Variants in PAX9 observed in about 807,000 individuals in gnomAD.
PAX9 encodes the protein paired box protein Pax-9.
Under a neutral mutation model 29.1 loss-of-function variants are expected in PAX9, and 6 were observed. That is an observed-to-expected ratio of 0.21 (90% CI 0.11 to 0.41). The LOEUF is 0.41. PAX9 is among the 10% of genes least tolerant of loss of function. The probability of loss-of-function intolerance (pLI) is 1.00; values close to 1 mark genes in which losing one functional copy is unlikely to be tolerated. For missense variants in PAX9, 443 were observed against 479.1 expected (o/e 0.92, Z 0.70); for synonymous variants, 217 against 211.7 (o/e 1.03, Z -0.22).
In PAX9 at chr14:36,662,110, G is replaced by A. The variant is rs1003030078; in HGVS notation, c.4+17G>A. 1 of 1,298,818 alleles carries A rather than the reference G, an allele frequency of 7.7e-7. No individual in the cohort carries two copies. The highest frequency in any genetic ancestry group is 1.6e-5 in the African/African-American group (1 of 64,026). 80.5% of individuals were successfully genotyped at this position (1,298,818 alleles called of 1,614,324 possible). On this transcript the variant is annotated intron_variant, in intron 1 of 3. Transcript: ENST00000361487. Reference sequence around the variant, plus strand: ...GAGCAATGGGTGAGTGGCGGCGGGGGACTCTGTCAGAGCCGGGAAGGGAGG... The same window carrying A: ...GAGCAATGGGTGAGTGGCGGCGGGGAACTCTGTCAGAGCCGGGAAGGGAGG...
At chr14:36,665,146 T>G (rs1364878815) in intron 2 of PAX9, among the ~76,000 whole-genome samples, 8 of 99,526 alleles carry the variant, frequency 8.0e-5, no homozygotes, top group African/African-American at 1.2e-4. Context: ...TTCTTGGGGG[T>G]GGTAGAGGAG....
rs952386873 is a variant in PAX9 at position 36,677,061 on chromosome 14, T to A, written c.*609T>A. 3 of 158,372 alleles carry A rather than the reference T, an allele frequency of 1.9e-5. No homozygotes were observed. The highest frequency in any genetic ancestry group is 2.8e-5 in the Non-Finnish European group (2 of 71,474). 9.8% of individuals were successfully genotyped at this position (158,372 alleles called of 1,614,324 possible). A position where few individuals can be genotyped will look rare whatever the true frequency, so the allele number is the denominator to read the frequency against. On this transcript the variant is annotated 3_prime_UTR_variant, in exon 4 of 4. Coordinates refer to ENST00000361487, the MANE Select transcript of PAX9 (RefSeq NM_001372076.1). Reference sequence around the variant, plus strand: ...ATCTGAATCTAGCTCTCCCTGGTGTTTTGACTTGGTTCCAAATACAATAAT... The same window carrying A: ...ATCTGAATCTAGCTCTCCCTGGTGTATTGACTTGGTTCCAAATACAATAAT...
chr14:36,677,616 T>C lies in PAX9; in HGVS notation c.*1164T>C, dbSNP rs1881957909. 6.6e-6 allele frequency: 1 copy of C among 152,238 alleles called. No individual in the cohort carries two copies. The highest frequency in any genetic ancestry group is 6.5e-5 in the Admixed American group (1 of 15,288). 9.4% of individuals were successfully genotyped at this position (152,238 alleles called of 1,614,324 possible). A position where few individuals can be genotyped will look rare whatever the true frequency, so the allele number is the denominator to read the frequency against. ...GCAATCTCAGCCCCAAATAATGTTG[T>C]AATTTAAAGAAAATGGAAAATTCTG... On this transcript the variant is annotated 3_prime_UTR_variant, in exon 4 of 4. Transcript: ENST00000361487.
At chr14:36,675,741 T>C (rs1881861725) in intron 3 of PAX9, among the ~76,000 whole-genome samples, 1 of 152,198 alleles carries the variant, frequency 6.6e-6, no homozygotes, top group African/African-American at 2.4e-5. Flanking sequence ...CTGCAGTCTG[T>C]GCCCTTCTTT....
rs780704367 is a variant in PAX9, at chr14:36,678,564, C to T, written c.*2112C>T. ...TGGTGGAGACTTCTTTAAAACCATA[C>T]CATACAGGGACTCTCCTGTCATCTG... On this transcript the variant is annotated 3_prime_UTR_variant, in exon 4 of 4. Transcript: ENST00000361487. 1.8e-5 allele frequency: 27 copies of T among 1,534,984 alleles called. No individual in the cohort carries two copies. Among genetic ancestry groups the T allele is most frequent in the Non-Finnish European group, 2.4e-5 (27 of 1,145,840 alleles).
At position 36,678,744 on chromosome 14, in the gene PAX9, A is replaced by T. The variant is rs1185998348; in HGVS notation, c.*2292A>T. On this transcript the variant is annotated 3_prime_UTR_variant, in exon 4 of 4. Coordinates refer to ENST00000361487, the MANE Select transcript of PAX9 (RefSeq NM_001372076.1). ...ATCTCTTGTTATTGTGCTATTTATA[A>T]TTTTTTTCTGGTTCTTGTATTTTAA... The T allele has an allele frequency of 3.5e-6, 4 of 1,147,512 alleles. No homozygotes were observed. Among genetic ancestry groups the T allele is most frequent in the Non-Finnish European group, 4.3e-6 (4 of 929,142 alleles). 71.1% of individuals were successfully genotyped at this position (1,147,512 alleles called of 1,614,324 possible). A position where few individuals can be genotyped will look rare whatever the true frequency, so the allele number is the denominator to read the frequency against.
At chr14:36,660,539 G>A (rs1460135337), upstream of PAX9, among the ~76,000 whole-genome samples, 1 of 152,202 alleles carries the variant, frequency 6.6e-6, no homozygotes, top group Non-Finnish European at 1.5e-5. Flanking sequence ...GCTGATCATA[G>A]TTTTTTCCTG....
At chr14:36,666,315 T>A in intron 2 of PAX9, 147 bp from the exon 3 acceptor site, 2 of 1,008,070 alleles carry the variant, frequency 2.0e-6, no homozygotes, top group Non-Finnish European at 2.9e-6. Flanking sequence ...AGGTCGCGGC[T>A]GGGCCCAGCG....
chr14:36,670,620 G>C lies in PAX9; in HGVS notation c.771+4019G>C, dbSNP rs1015453229. ...ACAATGAAATCTTAGGCAAATGCCA[G>C]CAGAGTGTCTTTGAAATTCATAATG... On this transcript the variant is annotated intron_variant, in intron 3 of 3. Coordinates refer to ENST00000361487, the MANE Select transcript of PAX9 (RefSeq NM_001372076.1). 2.6e-5 allele frequency among the ~76,000 whole-genome samples: 4 copies of C among 152,018 alleles called. No homozygotes were observed. In the East Asian group the frequency reaches 7.7e-4, roughly 29 times the overall value.
upstream of PAX9, among the ~76,000 whole-genome samples, chr14:36,660,052 G>GA (rs1881199733): frequency 6.6e-6 from 1 of 152,142 alleles, no homozygotes; most frequent in Admixed American, 6.5e-5. Flanking sequence ...TGTCTGTGAG[G>GA]GGGGAGGAGG....
intron 1 of PAX9, among the ~76,000 whole-genome samples, chr14:36,662,335 G>A (rs1486651007): frequency 6.6e-6 from 1 of 152,194 alleles, no homozygotes; most frequent in African/African-American, 2.4e-5. Context: ...TAAGAGAAGG[G>A]AGCTGTGGCA....
chr14:36,675,835 T>G (rs1392371961), intron 3 of PAX9, among the ~76,000 whole-genome samples: 1 of 152,150 alleles, frequency 6.6e-6, no homozygotes, highest in African/African-American at 2.4e-5. Flanking sequence ...CCAGGAAGGT[T>G]GACAAAGGCA....
At chr14:36,664,310 T>G (rs1594468162) in intron 2 of PAX9, among the ~76,000 whole-genome samples, 1 of 152,342 alleles carries the variant, frequency 6.6e-6, no homozygotes, top group African/African-American at 2.4e-5. Flanking sequence ...CATGCTGTCC[T>G]TTTACTGTTC....
rs1881875574 is a variant in PAX9 at position 36,676,100 on chromosome 14, T to G, written c.772-98T>G. The G allele has an allele frequency of 6.2e-6, 8 of 1,293,864 alleles. 1 individual carries two copies. In the South Asian group the frequency reaches 1.0e-4, roughly 17 times the overall value. The allele number at this position is 1,293,864 out of a possible 1,614,324, so 80.1% of individuals were successfully genotyped here. ...TTGGAGAGTAGAGTCAGAGCATTGC[T>G]GGCTTACTCAGACTTAAGTTCTGCT... On this transcript the variant is annotated intron_variant, in intron 3 of 3. Coordinates refer to ENST00000361487, the MANE Select transcript of PAX9 (RefSeq NM_001372076.1).
Position 36,666,477 on chromosome 14 carries a change from C to T in PAX9, c.647C>T (p.Pro216Leu), listed in dbSNP as rs751443373. The change falls in exon 3 of 4, where the codon CCC (proline) becomes CTC (leucine). Residue 216 changes from proline to leucine, a missense_variant. Physicochemically the swap from Pro to Leu is moderately conservative, Grantham distance 98. Transcript: ENST00000361487. ...SITDQVSDSS[P>L]YHSPKVEEWS... The stretch of plus-strand genomic sequence containing the variant: ...TCTCCATCAGTGAGCGACAGCTCCC[C>T]CTACCACAGCCCCAAGGTGGAGGAG... The T allele has an allele frequency of 9.9e-6, 16 of 1,610,880 alleles. No individual in the cohort carries two copies. Among genetic ancestry groups the T allele is most frequent in the Admixed American group, 1.7e-5 (1 of 59,806 alleles).
In PAX9 at chr14:36,661,936, T is replaced by C; in HGVS notation, c.-154T>C. The C allele has an allele frequency of 1.2e-6, 1 of 862,456 alleles. No individual in the cohort carries two copies. Among genetic ancestry groups the C allele is most frequent in the South Asian group, 1.4e-5 (1 of 69,192 alleles). The allele number at this position is 862,456 out of a possible 1,614,324, so 53.4% of individuals were successfully genotyped here. A position where few individuals can be genotyped will look rare whatever the true frequency, so the allele number is the denominator to read the frequency against. ...CATCGGGGCACAGACTTCCTTTTAC[T>C]TCTTCCTTTTGCCCTCTCGCCTCCT... On this transcript the variant is annotated 5_prime_UTR_variant, in exon 1 of 4. Coordinates refer to ENST00000361487, the MANE Select transcript of PAX9 (RefSeq NM_001372076.1).
chr14:36,671,507 T>C (rs531043679), intron 3 of PAX9, among the ~76,000 whole-genome samples: 1 of 152,274 alleles, frequency 6.6e-6, no homozygotes, highest in East Asian at 1.9e-4. Flanking sequence ...AAACGGTGCC[T>C]ACATTTTTGC....
In PAX9 at chr14:36,666,553, G is replaced by T; in HGVS notation, c.723G>T (p.Val241=). ...NNFPAAAPHA[V]NGLEKGALEQ... is the part of the protein sequence containing the mutation. ...TCCCCGCCGCCGCCCCGCACGCGGT[G>T]AACGGGTTGGAGAAGGGAGCCCTGG... The change falls in exon 3 of 4, where the codon GTG becomes GTT. Residue 241 remains valine (V), a synonymous_variant. Transcript: ENST00000361487. 6.3e-7 allele frequency: 1 copy of T among 1,581,526 alleles called. No homozygotes were observed. Among genetic ancestry groups the T allele is most frequent in the East Asian group, 2.3e-5 (1 of 43,090 alleles).
chr14:36,662,129 A>G (rs1594465989), intron 1 of PAX9, 36 bp downstream of exon 1: 1 of 389,076 alleles, frequency 2.6e-6, no homozygotes, highest in South Asian at 3.6e-5. Context: ...AGAGCCGGGA[A>G]GGGAGGGAGG....
Sources: gnomAD v4.1 joint callset for allele counts (sites outside exome capture counted in the v4.1 genomes callset) on GRCh38, gnomAD v4.1.1 for gene constraint, MANE v1.5 for transcripts, NCBI Gene and HGNC (gene_info 2026-07-23, HGNC 2026-07-21) for gene names.